Variants in DENND1A observed in about 807,000 individuals in gnomAD.
DENND1A encodes DENN domain containing 1A, also known as DENN domain-containing protein 1A.
In DENND1A, 51 loss-of-function variants were observed where a neutral mutation model predicts 113.7. The ratio of observed to expected loss-of-function variants is 0.45; its 90% CI spans 0.36 to 0.57. The LOEUF is 0.57. Among genes scored for constraint, DENND1A ranks in the 20% least tolerant of loss-of-function variants. DENND1A has a pLI of 0.00. For synonymous variants in DENND1A, 565 were observed against 570.8 expected (o/e 0.99, Z 0.14); for missense variants, 1,258 against 1,395.9 (o/e 0.90, Z 1.57).
chr9:123,531,211 TACAA>T (rs1245248206), intron 13 of DENND1A, among the ~76,000 whole-genome samples: 1 of 152,194 alleles, frequency 6.6e-6, no homozygotes, highest in Non-Finnish European at 1.5e-5. Flanking sequence ...TATGATATTT[TACAA>T]ACAGCTTGCA....
chr9:123,428,380 T>C (rs939288279), intron 19 of DENND1A, among the ~76,000 whole-genome samples: 2 of 152,126 alleles, frequency 1.3e-5, no homozygotes, highest in Non-Finnish European at 1.5e-5. Context: ...CCCAATAAAC[T>C]AGGTATTGAA....
intron 2 of DENND1A, among the ~76,000 whole-genome samples, chr9:123,818,525 C>T (rs1220431781): frequency 0.01 from 898 of 88,462 alleles, 13 homozygotes; most frequent in African/African-American, 0.014. Context: ...CATATACACA[C>T]ACACACACAC....
chr9:123,639,062 AAAAAG>A (rs2061877361), intron 9 of DENND1A, among the ~76,000 whole-genome samples: 2 of 148,450 alleles, frequency 1.3e-5, no homozygotes, highest in South Asian at 4.2e-4. Flanking sequence ...AAAAAAAAAA[AAAAAG>A]AAAGAAAGAA....
chr9:123,868,236 A>G (rs1846056799), intron 2 of DENND1A, among the ~76,000 whole-genome samples: 1 of 152,220 alleles, frequency 6.6e-6, no homozygotes, highest in Non-Finnish European at 1.5e-5. Flanking sequence ...ATACTGAAGC[A>G]CTCAGGGCAT....
chr9:123,756,842 C>T (rs1029628182), intron 5 of DENND1A, among the ~76,000 whole-genome samples: 6 of 152,132 alleles, frequency 3.9e-5, no homozygotes, highest in African/African-American at 9.7e-5. Context: ...GAGGGTCTGG[C>T]CTTTTATTCC....
chr9:123,584,937 T>C (rs1015239433), intron 11 of DENND1A, among the ~76,000 whole-genome samples: 4 of 152,200 alleles, frequency 2.6e-5, no homozygotes, highest in African/African-American at 9.7e-5. Context: ...CCTGACAACA[T>C]GACTGGCACC....
intron 13 of DENND1A, among the ~76,000 whole-genome samples, chr9:123,469,640 G>A (rs930586490): frequency 6.6e-6 from 1 of 152,244 alleles, no homozygotes; most frequent in Admixed American, 6.5e-5. Context: ...ACTAGCGTAA[G>A]ATTTTCTTCC....
intron 19 of DENND1A, among the ~76,000 whole-genome samples, chr9:123,423,606 T>C (rs1179124104): frequency 6.6e-6 from 1 of 152,222 alleles, no homozygotes; most frequent in Non-Finnish European, 1.5e-5. Context: ...GCTGATCACT[T>C]GGCAGGCCCT....
At chr9:123,694,067 C>T (rs1277151363) in intron 5 of DENND1A, among the ~76,000 whole-genome samples, 3 of 151,842 alleles carry the variant, frequency 2.0e-5, no homozygotes, top group Admixed American at 2.0e-4. Context: ...ATCTCTTGAC[C>T]TTGTGATATG....
At chr9:123,581,637 AG>A in intron 12 of DENND1A, among the ~76,000 whole-genome samples, 1 of 152,142 alleles carries the variant, frequency 6.6e-6, no homozygotes, top group Middle Eastern at 3.4e-3. Flanking sequence ...AAAAAAAAAA[AG>A]AAAGAAATTC....
intron 13 of DENND1A, among the ~76,000 whole-genome samples, chr9:123,554,627 G>A (rs1160145653): frequency 2.0e-5 from 3 of 152,202 alleles, no homozygotes; most frequent in Admixed American, 6.5e-5. Flanking sequence ...TCCACCTTAT[G>A]GAAGAAAGCC....
intron 5 of DENND1A, among the ~76,000 whole-genome samples, chr9:123,743,419 TAAATAAATAAA>T (rs2069185988): frequency 6.7e-6 from 1 of 149,914 alleles, no homozygotes; most frequent in Non-Finnish European, 1.5e-5. Flanking sequence ...AATAAATAAA[TAAATAAATAAA>T]TAATAAAAAT....
intron 13 of DENND1A, among the ~76,000 whole-genome samples, chr9:123,464,896 C>T (rs969928557): frequency 3.3e-5 from 5 of 150,682 alleles, no homozygotes; most frequent in African/African-American, 9.8e-5. Context: ...TGCCTGTAAT[C>T]CCAGCACTGT....
chr9:123,716,424 G>A (rs1034884087), intron 5 of DENND1A, among the ~76,000 whole-genome samples: 1 of 152,160 alleles, frequency 6.6e-6, no homozygotes. Flanking sequence ...GGACGAAGGA[G>A]GGGGGAACCA....
chr9:123,580,610 C>T (rs2136650585), intron 12 of DENND1A, among the ~76,000 whole-genome samples: 1 of 152,360 alleles, frequency 6.6e-6, no homozygotes, highest in South Asian at 2.1e-4. Flanking sequence ...CTCAGGTTCA[C>T]TTCCCACATT....
chr9:123,403,327 C>A (rs994343073), intron 21 of DENND1A, 75 bp downstream of exon 21: 6 of 1,509,412 alleles, frequency 4.0e-6, no homozygotes, highest in Admixed American at 1.8e-5. Flanking sequence ...CGGGGCTACA[C>A]GCTTGGGCTT....
chr9:123,782,822 C>T (rs533472766), intron 3 of DENND1A, among the ~76,000 whole-genome samples: 1 of 152,226 alleles, frequency 6.6e-6, no homozygotes, highest in African/African-American at 2.4e-5. Flanking sequence ...TTAAGAGATT[C>T]TCATTTTACA....
chr9:123,649,702 A>C (rs889268695), intron 9 of DENND1A, among the ~76,000 whole-genome samples: 1 of 152,222 alleles, frequency 6.6e-6, no homozygotes, highest in Non-Finnish European at 1.5e-5. Context: ...ATGCTGGCAT[A>C]AAGTTGCTAA....
intron 5 of DENND1A, among the ~76,000 whole-genome samples, chr9:123,754,657 A>T (rs558283243): frequency 2.6e-5 from 4 of 152,194 alleles, no homozygotes; most frequent in Admixed American, 2.6e-4. Context: ...TAGGAATTCA[A>T]TTAAGAACTG....
Sources: gnomAD v4.1 joint callset for allele counts (sites outside exome capture counted in the v4.1 genomes callset) on GRCh38, gnomAD v4.1.1 for gene constraint, MANE v1.5 for transcripts, NCBI Gene and HGNC (gene_info 2026-07-23, HGNC 2026-07-21) for gene names.